SLC17A1: variants seen among roughly 807,000 people sequenced by gnomAD.
SLC17A1 encodes solute carrier family 17 member 1, also known as sodium-dependent phosphate transport protein 1.
Under a neutral mutation model 53.5 loss-of-function variants are expected in SLC17A1, and 51 were observed. The observed-to-expected ratio is 0.95, with a 90% CI of 0.76 to 1.20. The LOEUF is 1.20. SLC17A1 is among the 50% of genes most tolerant of loss of function. The probability of loss-of-function intolerance (pLI) is 0.00; values close to 1 mark genes in which losing one functional copy is unlikely to be tolerated. For synonymous variants in SLC17A1, 179 were observed against 198.8 expected (o/e 0.90, Z 0.84); for missense variants, 538 against 568.2 (o/e 0.95, Z 0.54).
At chr6:25,726,921 T>C in the SLC17A1 span, 4 of 1,612,432 alleles carry the variant, frequency 2.5e-6, no homozygotes, top group South Asian at 3.3e-5. Context: ...GCCGGAGGTG[T>C]CATCTAAAGG....
At chr6:25,746,276 T>A in the SLC17A1 span, among the ~76,000 whole-genome samples, 1 of 152,194 alleles carries the variant, frequency 6.6e-6, no homozygotes, top group East Asian at 1.9e-4. Flanking sequence ...TGATGATCCT[T>A]CGGCAGCTTA....
the SLC17A1 span, chr6:25,732,027 A>T: frequency 4.7e-5 from 69 of 1,466,112 alleles, no homozygotes; most frequent in East Asian, 1.7e-3. Context: ...GACCTGCTTC[A>T]GCAGCTTGTA....
chr6:25,762,181 C>A, the SLC17A1 span: 1 of 692,590 alleles, frequency 1.4e-6, no homozygotes, highest in Non-Finnish European at 2.4e-6. Context: ...TTGCTACCAC[C>A]AATTGCCAAT....
At chr6:25,732,041 G>A in the SLC17A1 span, 1 of 1,390,646 alleles carries the variant, frequency 7.2e-7, no homozygotes, top group Non-Finnish European at 9.8e-7. Context: ...GCTTGTAGAT[G>A]TAAATAGAAT....
intron 2 of SLC17A1, among the ~76,000 whole-genome samples, chr6:25,827,002 A>G (rs1159030407): frequency 6.6e-6 from 1 of 152,118 alleles, no homozygotes; most frequent in Non-Finnish European, 1.5e-5. Context: ...TCCAACATTT[A>G]AAAAATACTC....
the SLC17A1 span, among the ~76,000 whole-genome samples, chr6:25,775,221 A>G: frequency 6.6e-6 from 1 of 151,850 alleles, no homozygotes. Context: ...AGTCCCAGCT[A>G]CTTAGGAGGC....
At chr6:25,741,910 T>C in the SLC17A1 span, among the ~76,000 whole-genome samples, 3 of 151,938 alleles carry the variant, frequency 2.0e-5, no homozygotes, top group Non-Finnish European at 4.4e-5. Context: ...AAATATCACA[T>C]TGTTGAAGTA....
At chr6:25,791,299 G>T (rs1242501970) in intron 12 of SLC17A1, among the ~76,000 whole-genome samples, 1 of 152,052 alleles carries the variant, frequency 6.6e-6, no homozygotes, top group Admixed American at 6.5e-5. Flanking sequence ...AGAATAAACA[G>T]CTGATACTAG....
chr6:25,756,239 C>G, the SLC17A1 span, among the ~76,000 whole-genome samples: 1 of 152,134 alleles, frequency 6.6e-6, no homozygotes, highest in African/African-American at 2.4e-5. Flanking sequence ...CTCATTCACT[C>G]TGCATCGCCA....
intron 4 of SLC17A1, 23 bp downstream of exon 4, chr6:25,819,659 C>G (rs1254479107): frequency 6.2e-7 from 1 of 1,612,256 alleles, no homozygotes; most frequent in South Asian, 1.1e-5. Flanking sequence ...AAACTCTGTT[C>G]AGTTTTAGCA....
the SLC17A1 span, among the ~76,000 whole-genome samples, chr6:25,733,026 C>G: frequency 1.3e-5 from 2 of 152,166 alleles, no homozygotes; most frequent in Non-Finnish European, 2.9e-5. Flanking sequence ...GTAAACAGGA[C>G]TCAGAACAGT....
chr6:25,787,263 G>A (rs1015465439), intron 12 of SLC17A1, among the ~76,000 whole-genome samples: 5 of 151,808 alleles, frequency 3.3e-5, no homozygotes, highest in African/African-American at 1.2e-4. Flanking sequence ...CAAGGTGGAC[G>A]CATCACTTGA....
At chr6:25,770,087 T>A in the SLC17A1 span, 6 of 1,613,896 alleles carry the variant, frequency 3.7e-6, no homozygotes, top group Admixed American at 6.7e-5. Context: ...ATGACTGGAG[T>A]CCTGAAATCC....
chr6:25,732,980 A>G, the SLC17A1 span, among the ~76,000 whole-genome samples: 4 of 152,250 alleles, frequency 2.6e-5, no homozygotes, highest in Non-Finnish European at 5.9e-5. Context: ...CAAAAGGATT[A>G]CAAAATGCTG....
At chr6:25,789,666 A>G (rs573142906) in intron 12 of SLC17A1, among the ~76,000 whole-genome samples, 7 of 152,172 alleles carry the variant, frequency 4.6e-5, no homozygotes, top group South Asian at 2.1e-4. Context: ...GAAAACATCA[A>G]AGAAACCCAC....
chr6:25,772,936 ACTCT>A, the SLC17A1 span, among the ~76,000 whole-genome samples: 47 of 152,262 alleles, frequency 3.1e-4, no homozygotes, highest in East Asian at 8.5e-3. Flanking sequence ...GGGTGGCTCC[ACTCT>A]CTGTGTCTGT....
chr6:25,732,701 G>T, the SLC17A1 span: 2 of 1,348,182 alleles, frequency 1.5e-6, no homozygotes, highest in Non-Finnish European at 2.1e-6. Context: ...CATCCGCAAC[G>T]ACAAGGAGCT....
At position 25,812,974 on chromosome 6, in the gene SLC17A1, A is replaced by G. The variant is rs1764211445; in HGVS notation, c.754T>C (p.Ser252Pro). 6.2e-7 allele frequency: 1 copy of G among 1,613,920 alleles called. No individual in the cohort carries two copies. Among genetic ancestry groups the G allele is most frequent in the Non-Finnish European group, 8.5e-7 (1 of 1,179,966 alleles). ...TTAAGTATAGCCTTGATAGGCAGAGATTGTCTACTTGAACTGACCTGGAGA... is the reference window on the plus strand; with the variant it reads ...TTAAGTATAGCCTTGATAGGCAGAGGTTGTCTACTTGAACTGACCTGGAGA... ...LVQQVSSSRQSLPIKAILKSL... is the reference protein window; with the variant it reads ...LVQQVSSSRQPLPIKAILKSL... Residue 252 changes from serine (S) to proline (P), a missense_variant, in exon 8 of 13, where the codon TCT (serine) becomes CCT (proline). Coordinates refer to ENST00000244527, the MANE Select transcript of SLC17A1 (RefSeq NM_005074.5).
chr6:25,828,663 G>C (rs1764837111), intron 2 of SLC17A1, among the ~76,000 whole-genome samples: 1 of 151,560 alleles, frequency 6.6e-6, no homozygotes, highest in African/African-American at 2.4e-5. Flanking sequence ...AGACTATTTT[G>C]CTTTATATAT....
Sources: allele counts gnomAD v4.1 joint callset (sites outside exome capture counted in the v4.1 genomes callset), GRCh38; gene constraint gnomAD v4.1.1; transcripts MANE v1.5; gene names NCBI Gene and HGNC (gene_info 2026-07-23, HGNC 2026-07-21).